Variants in MTTP observed in about 807,000 individuals in gnomAD.
The protein encoded by MTTP is microsomal triglyceride transfer protein large subunit.
A neutral mutation model predicts 90.6 loss-of-function variants in MTTP; 49 were observed. That is an observed-to-expected ratio of 0.54 (90% CI 0.43 to 0.69). MTTP has a LOEUF of 0.69. Among genes scored for constraint, MTTP ranks in the 30% least tolerant of loss-of-function variants. The probability of loss-of-function intolerance (pLI) is 0.00; values close to 1 mark genes in which losing one functional copy is unlikely to be tolerated. For synonymous variants in MTTP, 347 were observed against 384.2 expected, an observed-to-expected ratio of 0.90 and a Z score of 1.13; for missense variants, 945 against 1,067.5, an observed-to-expected ratio of 0.89 and a Z score of 1.60.
At chr4:99,569,623 T>C (rs1724789930) in intron 1 of MTTP, among the ~76,000 whole-genome samples, 1 of 151,938 alleles carries the variant, frequency 6.6e-6, no homozygotes, top group African/African-American at 2.4e-5. Flanking sequence ...TGAGAAAATA[T>C]AATGGCAAAA....
intron 12 of MTTP, 35 bp downstream of exon 12, chr4:99,609,012 A>C (rs746205017): frequency 4.5e-6 from 7 of 1,571,254 alleles, no homozygotes; most frequent in African/African-American, 4.1e-5. Context: ...CTGTGTATTC[A>C]AGCTTATTTG....
At chr4:99,567,535 G>A (rs1724732340) in intron 1 of MTTP, among the ~76,000 whole-genome samples, 1 of 152,178 alleles carries the variant, frequency 6.6e-6, no homozygotes, top group African/African-American at 2.4e-5. Flanking sequence ...CTGGCAGGTT[G>A]TTCAGCAGAC....
intron 11 of MTTP, among the ~76,000 whole-genome samples, chr4:99,607,458 A>T (rs1725844122): frequency 6.6e-6 from 1 of 152,158 alleles, no homozygotes; most frequent in African/African-American, 2.4e-5. Flanking sequence ...GCTGCAAATC[A>T]TGATGGTTAG....
At chr4:99,596,354 G>T (rs547662250) in intron 7 of MTTP, among the ~76,000 whole-genome samples, 1 of 152,098 alleles carries the variant, frequency 6.6e-6, no homozygotes, top group Non-Finnish European at 1.5e-5. Flanking sequence ...TTTCAAAGCC[G>T]AGAGATGCTG....
At chr4:99,578,777 C>T (rs996633090) in intron 1 of MTTP, among the ~76,000 whole-genome samples, 1 of 152,160 alleles carries the variant, frequency 6.6e-6, no homozygotes, top group Non-Finnish European at 1.5e-5. Context: ...ATTTAAACAT[C>T]AAATCTGCAT....
chr4:99,580,292 A>G (rs933755370), intron 1 of MTTP, among the ~76,000 whole-genome samples: 1 of 151,510 alleles, frequency 6.6e-6, no homozygotes, highest in African/African-American at 2.4e-5. Context: ...TTAAAATCAT[A>G]TCTCCAGCCA....
At chr4:99,615,882 A>C (rs1726086551) in intron 15 of MTTP, among the ~76,000 whole-genome samples, 2 of 152,254 alleles carry the variant, frequency 1.3e-5, no homozygotes, top group Admixed American at 1.3e-4. Context: ...AGAGGATCAA[A>C]GAGGTCACAT....
chr4:99,591,523 G>T (rs1725420509), intron 5 of MTTP, 128 bp from the exon 6 acceptor site: 2 of 1,144,400 alleles, frequency 1.7e-6, no homozygotes, highest in South Asian at 1.3e-5. Flanking sequence ...ATTGTTGTAG[G>T]TGTTAGTAAT....
At chr4:99,571,820 C>T (rs1224233145), upstream of MTTP, among the ~76,000 whole-genome samples, 2 of 151,840 alleles carry the variant, frequency 1.3e-5, no homozygotes. Flanking sequence ...CTAACTCCCT[C>T]ATTGATTTGA....
intron 1 of MTTP, among the ~76,000 whole-genome samples, chr4:99,579,493 C>T (rs1489656237): frequency 6.6e-6 from 1 of 152,130 alleles, no homozygotes; most frequent in African/African-American, 2.4e-5. Flanking sequence ...GATGCCCTTC[C>T]CACAGATATC....
chr4:99,604,125 T>G (rs898977176), intron 10 of MTTP, among the ~76,000 whole-genome samples: 1 of 152,162 alleles, frequency 6.6e-6, no homozygotes, highest in African/African-American at 2.4e-5. Flanking sequence ...TCATCTACGT[T>G]TTGTCCAAAT....
chr4:99,589,340 C>T (rs1230007040), intron 3 of MTTP, among the ~76,000 whole-genome samples: 1 of 151,962 alleles, frequency 6.6e-6, no homozygotes, highest in Non-Finnish European at 1.5e-5. Context: ...GAATGTTCAT[C>T]ATTTCTCTTC....
At chr4:99,611,633 A>G (rs1174956614) in intron 14 of MTTP, among the ~76,000 whole-genome samples, 180 bp downstream of exon 14, 4 of 152,224 alleles carry the variant, frequency 2.6e-5, no homozygotes, top group Admixed American at 6.5e-5. Flanking sequence ...TCACTCAGAG[A>G]AAGTTTCGAA....
rs1390084616 is a variant in MTTP at position 99,582,036 on chromosome 4, G to C, written c.193G>C (p.Val65Leu). The change falls in exon 2 of 18, where the codon GTG becomes CTG. Residue 65 changes from valine to leucine, a missense_variant. Physicochemically the swap from Val to Leu is conservative, Grantham distance 32. Transcript: ENST00000265517. The part of the protein sequence containing the change: ...VGYRISSNVD[V>L]ALLWRNPDGD... ...CTACCGCATTTCCTCCAACGTGGAT[G>C]TGGCCTTACTATGGAGGAATCCTGA... is the stretch of plus-strand genomic sequence containing the variant. 4 of 1,614,088 alleles carry C rather than the reference G, an allele frequency of 2.5e-6. No individual in the cohort carries two copies. Among genetic ancestry groups the C allele is most frequent in the Non-Finnish European group, 1.7e-6 (2 of 1,180,020 alleles).
chr4:99,594,670 A>G (rs1725506757), intron 6 of MTTP, 63 bp from the exon 7 acceptor site: 1 of 1,585,120 alleles, frequency 6.3e-7, no homozygotes, highest in Non-Finnish European at 8.7e-7. Flanking sequence ...AAGAATGGCA[A>G]TTAGTATCTT....
chr4:99,591,886 G>A, intron 6 of MTTP, 96 bp downstream of exon 6: 2 of 1,157,242 alleles, frequency 1.7e-6, no homozygotes, highest in Non-Finnish European at 2.5e-6. Flanking sequence ...GTGTGTGTGT[G>A]TGCGCGTGTA....
upstream of MTTP, among the ~76,000 whole-genome samples, chr4:99,571,744 TA>T (rs1162180135): frequency 6.6e-6 from 1 of 151,866 alleles, no homozygotes; most frequent in African/African-American, 2.4e-5. Context: ...TGCCTTGGAA[TA>T]AAAAAAGTCA....
chr4:99,583,452 A>T lies in MTTP; in HGVS notation c.328A>T (p.Ile110Leu). ...CTTCAAAGGAAAAAGCCCATCTAAA[A>T]TAATGGGAAAGGAAAACTTGGAAGC... ...SIFKGKSPSK[I>L]MGKENLEALQ... is the part of the protein sequence containing the mutation. The change falls in exon 3 of 18, where the codon ATA becomes TTA. Residue 110 changes from isoleucine to leucine, a missense_variant. Ile to Leu is a conservative substitution (Grantham distance 5). Transcript: ENST00000265517. 3 of 1,613,666 alleles carry T rather than the reference A, an allele frequency of 1.9e-6. No individual in the cohort carries two copies. The South Asian group carries it at 3.3e-5, about 18-fold the overall frequency.
chr4:99,591,030 G>T (rs900161724), intron 4 of MTTP, among the ~76,000 whole-genome samples: 1 of 152,072 alleles, frequency 6.6e-6, no homozygotes, highest in Non-Finnish European at 1.5e-5. Flanking sequence ...ATGAGAAGGC[G>T]CTATTAAGAC....
Sources: allele counts gnomAD v4.1 joint callset (sites outside exome capture counted in the v4.1 genomes callset), GRCh38; gene constraint gnomAD v4.1.1; transcripts MANE v1.5; gene names NCBI Gene and HGNC (gene_info 2026-07-23, HGNC 2026-07-21).